The following TCERG1 variants were observed in gnomAD, a reference collection of about 807,000 sequenced individuals.
TCERG1 encodes TATA box binding protein (TBP)-associated factor, RNA polymerase II, S, 150kD.
In TCERG1, 37 loss-of-function variants were observed where a neutral mutation model predicts 144.7. That is an observed-to-expected ratio of 0.26 (90% CI 0.20 to 0.34). The LOEUF is 0.34. Among genes scored for constraint, TCERG1 ranks in the 10% least tolerant of loss-of-function variants. The pLI is 1.00. For synonymous variants in TCERG1, 492 were observed against 458.2 expected, an observed-to-expected ratio of 1.07 and a Z score of -0.94; for missense variants, 1,027 against 1,380.7, an observed-to-expected ratio of 0.74 and a Z score of 4.06.
At chr5:146,465,991 G>T (rs1369743541) in intron 5 of TCERG1, among the ~76,000 whole-genome samples, 1 of 147,244 alleles carries the variant, frequency 6.8e-6, no homozygotes, top group African/African-American at 2.5e-5. Context: ...TTGCACTGCA[G>T]CCTGGGCAAC....
chr5:146,457,463 A>C, intron 3 of TCERG1, 128 bp downstream of exon 3: 2 of 885,848 alleles, frequency 2.3e-6, no homozygotes, highest in South Asian at 3.9e-5. Flanking sequence ...GAATGGGGTA[A>C]GACTTCAGGA....
intron 5 of TCERG1, among the ~76,000 whole-genome samples, chr5:146,467,926 C>A (rs116624630): frequency 1.3e-5 from 2 of 152,100 alleles, no homozygotes; most frequent in Admixed American, 6.5e-5. Context: ...TTCAACTTAG[C>A]GGCAGCATAG....
chr5:146,447,367 G>T lies in TCERG1; in HGVS notation c.18G>T (p.Gly6=). The T allele has an allele frequency of 6.2e-7, 1 of 1,611,772 alleles. No homozygotes were observed. Among genetic ancestry groups the T allele is most frequent in the Non-Finnish European group, 8.5e-7 (1 of 1,179,128 alleles). The change falls in exon 1 of 23, where the codon GGG becomes GGT. Residue 6 remains glycine, a synonymous_variant. Coordinates refer to ENST00000679501, the MANE Select transcript of TCERG1 (RefSeq NM_001382548.1). MAERG[G]DGGESERFNP... ...CCTCTGTAATGGCGGAGCGTGGCGG[G>T]GACGGGGGCGAGAGTGAACGATTCA...
At chr5:146,499,085 T>A (rs879577990) in intron 17 of TCERG1, among the ~76,000 whole-genome samples, 2 of 152,232 alleles carry the variant, frequency 1.3e-5, no homozygotes, top group Admixed American at 6.5e-5. Flanking sequence ...CTTTCTATTC[T>A]TTCAGTAAAC....
Position 146,463,738 on chromosome 5 carries a change from A to G in TCERG1, c.1080A>G (p.Pro360=), listed in dbSNP as rs1453890417. The G allele has an allele frequency of 6.2e-7, 1 of 1,614,208 alleles. No homozygotes were observed. Among genetic ancestry groups the G allele is most frequent in the South Asian group, 1.1e-5 (1 of 91,082 alleles). Residue 360 remains proline, a synonymous_variant, in exon 5 of 23, where the codon CCA becomes CCG. Transcript: ENST00000679501. ...CAACAGCAATACCTGCTTTTCCACCAGTAATGGTACCTCCGTTTCGTGTTC... is the reference window on the plus strand; with the variant it reads ...CAACAGCAATACCTGCTTTTCCACCGGTAATGGTACCTCCGTTTCGTGTTC... The part of the protein sequence containing the change: ...QPTTAIPAFP[P]VMVPPFRVPL...
intron 19 of TCERG1, among the ~76,000 whole-genome samples, chr5:146,506,564 G>A (rs970523413): frequency 6.6e-6 from 1 of 152,082 alleles, no homozygotes; most frequent in African/African-American, 2.4e-5. Flanking sequence ...TACATTATTG[G>A]CTTTAGTTAA....
At chr5:146,505,004 C>T (rs1767822789) in intron 19 of TCERG1, among the ~76,000 whole-genome samples, 1 of 151,638 alleles carries the variant, frequency 6.6e-6, no homozygotes, top group African/African-American at 2.4e-5. Context: ...CGAGATCGCG[C>T]CACTGCACTC....
Position 146,468,371 on chromosome 5 carries a change from C to G in TCERG1, c.1166C>G (p.Pro389Arg). The G allele has an allele frequency of 6.2e-7, 1 of 1,607,678 alleles. No individual in the cohort carries two copies. The highest frequency in any genetic ancestry group is 8.5e-7 in the Non-Finnish European group (1 of 1,176,954). ...GCAATGATGCAAATAGTCAGCTGCC[C>G]GTATGTAAAGACAGTCGCTACCACC... ...GVAMMQIVSC[P>R]YVKTVATTKT... The change falls in exon 6 of 23, where the codon CCG becomes CGG. Residue 389 changes from proline to arginine, a missense_variant. Pro to Arg is a moderately radical substitution (Grantham distance 103). Coordinates refer to ENST00000679501, the MANE Select transcript of TCERG1 (RefSeq NM_001382548.1).
rs1435994640 is a variant in TCERG1, at chr5:146,459,210, A to G, written c.765A>G (p.Ala255=). ...AQVQAQVQAQ[A]VGASTPTTSS... The stretch of plus-strand genomic sequence containing the variant: ...TCCAGGCACAAGTGCAAGCACAAGC[A>G]GTTGGAGCTTCCACCCCTACGACCA... Residue 255 remains alanine (A), a synonymous_variant, in exon 4 of 23, where the codon GCA becomes GCG. Coordinates refer to ENST00000679501, the MANE Select transcript of TCERG1 (RefSeq NM_001382548.1). 6.2e-6 allele frequency: 10 copies of G among 1,614,264 alleles called. No individual in the cohort carries two copies. Among genetic ancestry groups the G allele is most frequent in the Non-Finnish European group, 8.5e-6 (10 of 1,180,046 alleles).
chr5:146,484,616 C>T (rs1477379200), intron 15 of TCERG1, among the ~76,000 whole-genome samples: 2 of 152,180 alleles, frequency 1.3e-5, no homozygotes, highest in Non-Finnish European at 2.9e-5. Flanking sequence ...ACATAACTTC[C>T]TTAATGTATT....
rs200829011 is a variant in TCERG1 at position 146,510,485 on chromosome 5, T to C, written c.3191T>C (p.Val1064Ala). ...GAATCAGATCAGCACCTGAAAGATG[T>C]AGAAAAAATTTTACAGAATGACAAA... The part of the protein sequence containing the change: ...IQESDQHLKD[V>A]EKILQNDKRY... Residue 1064 changes from valine to alanine, a missense_variant, in exon 23 of 23, where the codon GTA becomes GCA. By Grantham distance (64) the Val-to-Ala change is moderately conservative. Coordinates refer to ENST00000679501, the MANE Select transcript of TCERG1 (RefSeq NM_001382548.1). The C allele has an allele frequency of 6.4e-5, 104 of 1,613,924 alleles. No homozygotes were observed. Among genetic ancestry groups the C allele is most frequent in the Non-Finnish European group, 8.6e-5 (101 of 1,179,988 alleles).
chr5:146,458,478 A>G (rs889733402), intron 3 of TCERG1, among the ~76,000 whole-genome samples: 1 of 131,452 alleles, frequency 7.6e-6, no homozygotes, highest in South Asian at 2.4e-4. Context: ...GCGCCCAGCT[A>G]TTTTTTATTT....
chr5:146,491,963 T>C (rs79499971), intron 15 of TCERG1, among the ~76,000 whole-genome samples: 1 of 150,302 alleles, frequency 6.7e-6, no homozygotes, highest in Non-Finnish European at 1.5e-5. Context: ...CCCCTCAACC[T>C]TTAAAAAATG....
chr5:146,472,654 T>TTAGTA (rs1764433656), intron 9 of TCERG1, among the ~76,000 whole-genome samples: 2 of 151,898 alleles, frequency 1.3e-5, no homozygotes, highest in Admixed American at 1.3e-4. Flanking sequence ...AGCCCTATAA[T>TTAGTA]GCCCTCAAAG....
chr5:146,487,898 C>T lies in TCERG1; in HGVS notation c.2163+4269C>T, dbSNP rs537255610. On this transcript the variant is annotated intron_variant, in intron 15 of 22. Transcript: ENST00000679501. ...AAACAGTACGGTACTGGCATAAAAA[C>T]AGACACATAGACCAAAGGAACAGAA... 8.9e-4 allele frequency among the ~76,000 whole-genome samples: 135 copies of T among 152,184 alleles called. 1 individual carries two copies. The highest frequency in any genetic ancestry group is 3.2e-3 in the African/African-American group (131 of 41,550).
chr5:146,483,211 C>T (rs184497873), intron 14 of TCERG1, among the ~76,000 whole-genome samples: 95 of 152,174 alleles, frequency 6.2e-4, no homozygotes, highest in African/African-American at 2.2e-3. Context: ...ACATTGTTCA[C>T]AAGATTGGAG....
chr5:146,484,592 C>T (rs1010279887), intron 15 of TCERG1, among the ~76,000 whole-genome samples: 5 of 152,104 alleles, frequency 3.3e-5, no homozygotes, highest in Non-Finnish European at 7.4e-5. Context: ...TATTTTAGTA[C>T]TTGGAATAGA....
chr5:146,464,558 C>G (rs575028065), intron 5 of TCERG1, among the ~76,000 whole-genome samples: 1 of 152,120 alleles, frequency 6.6e-6, no homozygotes, highest in Non-Finnish European at 1.5e-5. Flanking sequence ...GGAATTCTTA[C>G]CATAGGGTTT....
rs2150320583 is a variant in TCERG1, at chr5:146,463,564, A to G, written c.906A>G (p.Gln302=). The stretch of plus-strand genomic sequence containing the variant: ...ATCTTTTATCAGCACCCACAACACA[A>G]GATCAGACCCCAAGTTCTGCTGTTT... ...VAQTVSTPTT[Q]DQTPSSAVSV... The change falls in exon 5 of 23, where the codon CAA becomes CAG. Residue 302 remains glutamine, a synonymous_variant. Coordinates refer to ENST00000679501, the MANE Select transcript of TCERG1 (RefSeq NM_001382548.1). The G allele has an allele frequency of 6.2e-7, 1 of 1,614,196 alleles. No homozygotes were observed. Among genetic ancestry groups the G allele is most frequent in the Non-Finnish European group, 8.5e-7 (1 of 1,180,038 alleles).
Sources: allele counts gnomAD v4.1 joint callset (sites outside exome capture counted in the v4.1 genomes callset), GRCh38; gene constraint gnomAD v4.1.1; transcripts MANE v1.5; gene names NCBI Gene and HGNC (gene_info 2026-07-23, HGNC 2026-07-21).